Variants in PDE2A observed in about 807,000 individuals in gnomAD.
PDE2A encodes the protein cGMP-dependent 3',5'-cyclic phosphodiesterase.
Under a neutral mutation model 133.6 loss-of-function variants are expected in PDE2A, and 53 were observed. The ratio of observed to expected loss-of-function variants is 0.40; its 90% CI spans 0.32 to 0.50. The LOEUF is 0.50. Ranked by LOEUF, PDE2A falls within the 20% of genes least tolerant of loss-of-function variation. The pLI is 0.73. For synonymous variants in PDE2A, 491 were observed against 490.2 expected (o/e 1.00, Z -0.02); for missense variants, 796 against 1,232.4 (o/e 0.65, Z 5.30).
intron 1 of PDE2A, among the ~76,000 whole-genome samples, chr11:72,660,720 T>G (rs1028341702): frequency 6.6e-6 from 1 of 152,028 alleles, no homozygotes; most frequent in Admixed American, 6.6e-5. Flanking sequence ...CTACCTCCCT[T>G]CACGATACTC....
At chr11:72,581,797 T>C (rs902433604) in intron 22 of PDE2A, 80 bp downstream of exon 22, 2 of 1,333,944 alleles carry the variant, frequency 1.5e-6, no homozygotes. Flanking sequence ...AGAGATCCTC[T>C]CCAGAATGCC....
At chr11:72,583,098 G>T (rs1470480755) in intron 20 of PDE2A, among the ~76,000 whole-genome samples, 1 of 152,246 alleles carries the variant, frequency 6.6e-6, no homozygotes, top group Admixed American at 6.5e-5. Context: ...CATGGGCATT[G>T]TACCTAGGGA....
chr11:72,644,953 C>A lies in PDE2A; in HGVS notation c.72-2627G>T, dbSNP rs573342567. ...TATATTTTTAGTACAGATGGGATTT[C>A]GCCATGTTGGCCAGGATGGTCTCGA... On this transcript the variant is annotated intron_variant, in intron 1 of 30. Coordinates refer to ENST00000334456, the MANE Select transcript of PDE2A (RefSeq NM_002599.5). Among the ~76,000 whole-genome samples, 19 of 152,182 alleles carry A rather than the reference C, an allele frequency of 1.2e-4. No individual in the cohort carries two copies. The South Asian group carries it at 2.9e-3, about 23-fold the overall frequency.
chr11:72,668,828 C>T (rs1019612074), intron 1 of PDE2A, among the ~76,000 whole-genome samples: 3 of 152,192 alleles, frequency 2.0e-5, no homozygotes, highest in African/African-American at 4.8e-5. Flanking sequence ...AACCTCGGTC[C>T]CTCCCACAGA....
intron 2 of PDE2A, among the ~76,000 whole-genome samples, chr11:72,612,669 G>A (rs1453991786): frequency 6.6e-6 from 1 of 151,916 alleles, no homozygotes; most frequent in East Asian, 1.9e-4. Context: ...ATGGGTTGGG[G>A]GAGGGATGGT....
At chr11:72,625,227 T>C (rs762942819) in intron 2 of PDE2A, among the ~76,000 whole-genome samples, 4 of 152,124 alleles carry the variant, frequency 2.6e-5, no homozygotes, top group Non-Finnish European at 4.4e-5. Flanking sequence ...GGACTTTCCA[T>C]CCTCCCCTGG....
Position 72,597,719 on chromosome 11 carries a change from A to G in PDE2A, c.324-100T>C. The G allele has an allele frequency of 1.3e-6, 1 of 756,558 alleles. No homozygotes were observed. Among genetic ancestry groups the G allele is most frequent in the Non-Finnish European group, 2.2e-6 (1 of 449,776 alleles). The allele number at this position is 756,558 out of a possible 1,614,324, so 46.9% of individuals were successfully genotyped here. On this transcript the variant is annotated intron_variant, in intron 4 of 30. Transcript: ENST00000334456. The surrounding 1 kb of genome is among the most constrained non-coding windows in gnomAD (Gnocchi z 4.6). The stretch of plus-strand genomic sequence containing the variant: ...ACAGTTTGGACCCTGCACATGTGCA[A>G]GGATCTGGGCAAGCTGACCTGCCTC...
At chr11:72,589,132 G>C (rs1252788055) in intron 12 of PDE2A, 43 bp downstream of exon 12, 1 of 1,543,600 alleles carries the variant, frequency 6.5e-7, no homozygotes, top group African/African-American at 1.4e-5. Context: ...GCTGGCAGTG[G>C]GGTCTCCTCT....
chr11:72,614,678 A>G (rs1857374314), intron 2 of PDE2A, among the ~76,000 whole-genome samples: 1 of 152,186 alleles, frequency 6.6e-6, no homozygotes, highest in Non-Finnish European at 1.5e-5. Context: ...ACCCACTGAC[A>G]CTATCTTGGA....
At position 72,580,953 on chromosome 11, in the gene PDE2A, A is replaced by C. The variant is rs1288768198; in HGVS notation, c.2066T>G (p.Leu689Trp). 1 of 1,612,952 alleles carries C rather than the reference A, an allele frequency of 6.2e-7. No homozygotes were observed. The highest frequency in any genetic ancestry group is 1.7e-5 in the Admixed American group (1 of 60,030). ...NYLEDIEIFA[L>W]FISCMCHDLD... ...GTCATGACACATGCAGGAAATAAAC[A>C]AGGCAAAGATCTCGATGTCCCTGGT... The change falls in exon 24 of 31, where the codon TTG (leucine) becomes TGG (tryptophan). Residue 689 changes from leucine to tryptophan, a missense_variant. By Grantham distance (61) the Leu-to-Trp change is moderately conservative (BLOSUM62 -2). Around this residue, in one of 7 missense-constraint regions of PDE2A, gnomAD observed 218 missense variants for 465.9 expected, o/e 0.47. Coordinates refer to ENST00000334456, the MANE Select transcript of PDE2A (RefSeq NM_002599.5).
At chr11:72,627,657 G>A (rs1858151650) in intron 2 of PDE2A, among the ~76,000 whole-genome samples, 1 of 152,194 alleles carries the variant, frequency 6.6e-6, no homozygotes, top group Admixed American at 6.5e-5. Flanking sequence ...AAGGGGTGTG[G>A]TCTTTGTCCC....
At chr11:72,663,979 T>G (rs1855153221) in intron 1 of PDE2A, among the ~76,000 whole-genome samples, 1 of 152,194 alleles carries the variant, frequency 6.6e-6, no homozygotes, top group South Asian at 2.1e-4. Context: ...AGGGCTCCCT[T>G]GCCCCCTGGC....
chr11:72,630,032 A>T (rs1858296781), intron 2 of PDE2A, among the ~76,000 whole-genome samples: 1 of 151,742 alleles, frequency 6.6e-6, no homozygotes, highest in Admixed American at 6.6e-5. Flanking sequence ...CTCTGTGCCG[A>T]TCTTCAACAT....
Position 72,578,442 on chromosome 11 carries a change from C to G in PDE2A, c.2508+34G>C, listed in dbSNP as rs201827994. On this transcript the variant is annotated intron_variant, in intron 29 of 30. Coordinates refer to ENST00000334456, the MANE Select transcript of PDE2A (RefSeq NM_002599.5). The surrounding 1 kb of genome is among the most constrained non-coding windows in gnomAD (Gnocchi z 4.2). ...CTGTCCCAGGCCAGGAACCCTCCCC[C>G]ATCCTGGACATCCTGGGGTCACTCC... 2.7e-5 allele frequency: 43 copies of G among 1,600,274 alleles called. No individual in the cohort carries two copies. The highest frequency in any genetic ancestry group is 1.7e-4 in the Middle Eastern group (1 of 6,048).
At chr11:72,587,459 C>T (rs1227778098) in intron 13 of PDE2A, among the ~76,000 whole-genome samples, 1 of 152,196 alleles carries the variant, frequency 6.6e-6, no homozygotes, top group Admixed American at 6.5e-5. Context: ...ATAGCCCTGC[C>T]CCTGCCCTGG....
At chr11:72,620,400 G>A (rs528292492) in intron 2 of PDE2A, among the ~76,000 whole-genome samples, 1 of 152,252 alleles carries the variant, frequency 6.6e-6, no homozygotes, top group South Asian at 2.1e-4. Context: ...TGGGGCCTCT[G>A]AGACTCCCCA....
At chr11:72,611,979 G>A (rs1041981043) in intron 2 of PDE2A, among the ~76,000 whole-genome samples, 11 of 152,310 alleles carry the variant, frequency 7.2e-5, no homozygotes, top group South Asian at 6.2e-4. Flanking sequence ...GAGAGAATCA[G>A]TGGGGAGCAG....
intron 6 of PDE2A, among the ~76,000 whole-genome samples, chr11:72,593,189 A>C (rs993299082): frequency 4.6e-5 from 7 of 151,666 alleles, no homozygotes; most frequent in Middle Eastern, 3.4e-3. Context: ...GTACACACAC[A>C]CACACACACA....
intron 2 of PDE2A, among the ~76,000 whole-genome samples, chr11:72,615,534 G>A (rs571654957): frequency 6.6e-6 from 1 of 152,182 alleles, no homozygotes; most frequent in African/African-American, 2.4e-5. Flanking sequence ...TGGGGAGGGG[G>A]AGGATGGCCC....
Sources: gnomAD v4.1 joint callset for allele counts (sites outside exome capture counted in the v4.1 genomes callset) on GRCh38, gnomAD v4.1.1 for gene constraint, gnomAD v4.1.1 regional missense constraint, Gnocchi (gnomAD v3.1) non-coding constraint, MANE v1.5 for transcripts, NCBI Gene and HGNC (gene_info 2026-07-23, HGNC 2026-07-21) for gene names.